Variants in TNS3 observed in about 807,000 individuals in gnomAD.
TNS3 encodes tensin-3.
A neutral mutation model predicts 140.9 loss-of-function variants in TNS3; 45 were observed. The ratio of observed to expected loss-of-function variants is 0.32; its 90% CI spans 0.25 to 0.41. The LOEUF (loss-of-function observed/expected upper bound fraction) is 0.41. Ranked by LOEUF, TNS3 falls within the 10% of genes least tolerant of loss-of-function variation. The pLI, the probability that TNS3 is intolerant of heterozygous loss-of-function variation, is 1.00. For missense variants in TNS3, 1,716 were observed against 1,906.7 expected, an observed-to-expected ratio of 0.90 and a Z score of 1.86; for synonymous variants, 815 against 788.4, an observed-to-expected ratio of 1.03 and a Z score of -0.56.
intron 2 of TNS3, among the ~76,000 whole-genome samples, chr7:47,526,204 G>C (rs550901483): frequency 1.3e-5 from 2 of 152,326 alleles, no homozygotes; most frequent in South Asian, 4.1e-4. Flanking sequence ...TGACTCTTCA[G>C]TAAACTCAGT....
intron 4 of TNS3, among the ~76,000 whole-genome samples, chr7:47,464,397 C>G (rs1486601406): frequency 6.6e-6 from 1 of 152,160 alleles, no homozygotes; most frequent in African/African-American, 2.4e-5. Context: ...TCATAAACGT[C>G]AGGTCACCCA....
chr7:47,524,707 C>T (rs981215939), intron 2 of TNS3, among the ~76,000 whole-genome samples: 23 of 146,538 alleles, frequency 1.6e-4, no homozygotes, highest in African/African-American at 5.9e-4. Context: ...GAGGCTGAGG[C>T]AGGAGAATGG....
rs767127017 is a variant in TNS3 at position 47,346,409 on chromosome 7, G to A, written c.2282-53C>T. On this transcript the variant is annotated intron_variant, in intron 17 of 30. Coordinates refer to ENST00000311160, the MANE Select transcript of TNS3 (RefSeq NM_022748.12). The stretch of plus-strand genomic sequence containing the variant: ...AGGGCGCTTCCTCAAGGCGGAGTGA[G>A]GCGCCCCTTCCTTAAATCTTGCCTG... 7.1e-5 allele frequency: 114 copies of A among 1,598,804 alleles called. 2 individuals carry two copies. Among genetic ancestry groups the A allele is most frequent in the Middle Eastern group, 4.0e-4 (2 of 5,002 alleles).
intron 1 of TNS3, among the ~76,000 whole-genome samples, chr7:47,572,354 C>T (rs55919506): frequency 0.31 from 46,470 of 151,960 alleles, 8,025 homozygotes; most frequent in East Asian, 0.56. Context: ...ACACACTATG[C>T]TTCTCACGCC....
chr7:47,581,179 T>G (rs928673631), intron 1 of TNS3, among the ~76,000 whole-genome samples: 4 of 151,944 alleles, frequency 2.6e-5, no homozygotes, highest in African/African-American at 9.7e-5. Context: ...GACCCGGGAC[T>G]CACATGTCAG....
In TNS3 at chr7:47,368,727, C is replaced by T; in HGVS notation, c.1919G>A (p.Arg640Lys). 1 of 1,578,482 alleles carries T rather than the reference C, an allele frequency of 6.3e-7. No individual in the cohort carries two copies. The change falls in exon 17 of 31, where the codon AGG becomes AAG. Residue 640 changes from arginine (R) to lysine (K), a missense_variant. Physicochemically the swap from Arg to Lys is conservative, Grantham distance 26. Coordinates refer to ENST00000311160, the MANE Select transcript of TNS3 (RefSeq NM_022748.12). ...PLTPTRGTSS[R>K]VAVQRGVGSG... The stretch of plus-strand genomic sequence containing the variant: ...GCCTACACCCCTCTGGACAGCCACC[C>T]TACTGCTGGTCCCTCGGGTGGGGGT...
chr7:47,513,570 A>G (rs1286029934), intron 2 of TNS3, among the ~76,000 whole-genome samples: 2 of 152,266 alleles, frequency 1.3e-5, no homozygotes, highest in Non-Finnish European at 2.9e-5. Context: ...GTATCTTTTT[A>G]GATGTTCAAC....
At position 47,578,256 on chromosome 7, in the gene TNS3, G is replaced by T. The variant is rs182986634; in HGVS notation, c.-265+3795C>A. Among the ~76,000 whole-genome samples the T allele has an allele frequency of 9.2e-5, 14 of 152,220 alleles. No individual in the cohort carries two copies. In the East Asian group the frequency reaches 2.5e-3, roughly 27 times the overall value. ...ACCCAGGAGGCAGAGATTGCAGTGA[G>T]CTGAGATGGCCCGACTGGACTCCAG... On this transcript the variant is annotated intron_variant, in intron 1 of 30. Coordinates refer to ENST00000311160, the MANE Select transcript of TNS3 (RefSeq NM_022748.12).
chr7:47,414,774 G>A (rs1451313232), intron 11 of TNS3, among the ~76,000 whole-genome samples: 2 of 152,174 alleles, frequency 1.3e-5, no homozygotes, highest in Admixed American at 6.5e-5. Flanking sequence ...TGACCTCAAG[G>A]CCAACTGCAC....
intron 2 of TNS3, among the ~76,000 whole-genome samples, chr7:47,522,187 T>C (rs758451501): frequency 2.0e-5 from 3 of 152,202 alleles, no homozygotes; most frequent in Non-Finnish European, 2.9e-5. Flanking sequence ...AGCAGGATCA[T>C]AGATTTGTTG....
At chr7:47,558,403 C>A (rs1233942602) in intron 1 of TNS3, among the ~76,000 whole-genome samples, 1 of 152,134 alleles carries the variant, frequency 6.6e-6, no homozygotes, top group African/African-American at 2.4e-5. Flanking sequence ...CAGAGGGTCC[C>A]ACACCCTCCT....
intron 2 of TNS3, among the ~76,000 whole-genome samples, chr7:47,519,855 GCT>G (rs2151915254): frequency 9.0e-6 from 1 of 110,586 alleles, no homozygotes; most frequent in Admixed American, 1.5e-4. Flanking sequence ...ACGGAGTCTC[GCT>G]CTGTTGCCCA....
rs930124074 is a variant in TNS3 at position 47,322,747 on chromosome 7, G to A, written c.2651-17744C>T. Among the ~76,000 whole-genome samples, 9 of 152,266 alleles carry A rather than the reference G, an allele frequency of 5.9e-5. No individual in the cohort carries two copies. In the South Asian group the frequency reaches 8.3e-4, roughly 14 times the overall value. On this transcript the variant is annotated intron_variant, in intron 20 of 30. Coordinates refer to ENST00000311160, the MANE Select transcript of TNS3 (RefSeq NM_022748.12). ...TGAGTCGAGTGCAGTGCTCAAGCTG[G>A]AAGGACTGGAGACCCCGCAGAATCA... is the stretch of plus-strand genomic sequence containing the variant.
intron 1 of TNS3, chr7:47,579,960 A>G (rs934601554): frequency 1.1e-5 from 5 of 448,062 alleles, no homozygotes; most frequent in Admixed American, 6.4e-5. Flanking sequence ...TCACATTTGC[A>G]AACAGCTCAC....
intron 4 of TNS3, among the ~76,000 whole-genome samples, chr7:47,477,168 A>G (rs1477499225): frequency 6.6e-6 from 1 of 152,172 alleles, no homozygotes; most frequent in African/African-American, 2.4e-5. Flanking sequence ...ATGGCTGGCA[A>G]GGCTCATCAC....
At chr7:47,394,522 G>A (rs78005214) in intron 16 of TNS3, among the ~76,000 whole-genome samples, 2,858 of 152,344 alleles carry the variant, frequency 0.019, 82 homozygotes, top group African/African-American at 0.065. Flanking sequence ...TCAAGGCAGC[G>A]TGAATGGGCT....
intron 23 of TNS3, 38 bp downstream of exon 23, chr7:47,302,148 G>T: frequency 1.3e-6 from 2 of 1,557,266 alleles, no homozygotes; most frequent in Non-Finnish European, 8.9e-7. Context: ...CGGGCACTAG[G>T]GCAGATGCCC....
intron 20 of TNS3, among the ~76,000 whole-genome samples, chr7:47,309,602 C>A (rs1786964727): frequency 6.6e-6 from 1 of 152,180 alleles, no homozygotes; most frequent in Non-Finnish European, 1.5e-5. Context: ...GAATAATTTA[C>A]ACAAATGTTC....
intron 8 of TNS3, among the ~76,000 whole-genome samples, chr7:47,433,289 C>T (rs759301309): frequency 6.6e-6 from 1 of 152,210 alleles, no homozygotes; most frequent in African/African-American, 2.4e-5. Context: ...CTGTTAACAT[C>T]GACATCAGCA....
Sources: allele counts gnomAD v4.1 joint callset (sites outside exome capture counted in the v4.1 genomes callset), GRCh38; gene constraint gnomAD v4.1.1; transcripts MANE v1.5; gene names NCBI Gene and HGNC (gene_info 2026-07-23, HGNC 2026-07-21).